The following TMEM163 variants were observed in gnomAD, a reference collection of about 807,000 sequenced individuals.
The protein encoded by TMEM163 is transmembrane protein 163.
Under a neutral mutation model 29.3 loss-of-function variants are expected in TMEM163, and 17 were observed. The observed-to-expected ratio is 0.58, with a 90% CI of 0.40 to 0.87. The LOEUF is 0.87. Among genes scored for constraint, TMEM163 ranks in the 40% least tolerant of loss-of-function variants. The pLI is 0.00. For synonymous variants in TMEM163, 157 were observed against 160.6 expected, an observed-to-expected ratio of 0.98 and a Z score of 0.17; for missense variants, 303 against 381.5, an observed-to-expected ratio of 0.79 and a Z score of 1.71.
chr2:134,550,191 C>A (rs757170844), intron 4 of TMEM163, among the ~76,000 whole-genome samples: 1 of 152,096 alleles, frequency 6.6e-6, no homozygotes, highest in African/African-American at 2.4e-5. Context: ...ATTTAGAATG[C>A]CCTTAAGATG....
At chr2:134,470,217 C>A (rs957587498) in intron 5 of TMEM163, among the ~76,000 whole-genome samples, 1 of 152,068 alleles carries the variant, frequency 6.6e-6, no homozygotes, top group Non-Finnish European at 1.5e-5. Flanking sequence ...ATTAGCTGGG[C>A]GCGGTGGCGG....
intron 2 of TMEM163, among the ~76,000 whole-genome samples, chr2:134,597,768 A>G (rs1682121442): frequency 1.3e-5 from 2 of 152,140 alleles, no homozygotes; most frequent in Non-Finnish European, 1.5e-5. Flanking sequence ...TTGGTAAGCT[A>G]TTAATTATTG....
At chr2:134,496,650 G>A (rs1250432125) in intron 5 of TMEM163, among the ~76,000 whole-genome samples, 1 of 152,224 alleles carries the variant, frequency 6.6e-6, no homozygotes, top group African/African-American at 2.4e-5. Flanking sequence ...CTGGAGGGAA[G>A]CTGCTTGGTT....
At chr2:134,520,659 T>C (rs1680172173) in intron 4 of TMEM163, among the ~76,000 whole-genome samples, 1 of 152,250 alleles carries the variant, frequency 6.6e-6, no homozygotes, top group Admixed American at 6.5e-5. Flanking sequence ...ACAGGGTCTA[T>C]AGCTCACCCC....
intron 2 of TMEM163, among the ~76,000 whole-genome samples, chr2:134,576,851 C>A (rs944218980): frequency 2.0e-5 from 3 of 152,170 alleles, no homozygotes; most frequent in East Asian, 1.9e-4. Context: ...GGGGAACAAC[C>A]CTTTTACCTC....
intron 2 of TMEM163, among the ~76,000 whole-genome samples, chr2:134,635,368 C>T (rs946112019): frequency 1.3e-5 from 2 of 152,176 alleles, no homozygotes; most frequent in African/African-American, 4.8e-5. Context: ...AAATTGCCCC[C>T]TTAAAATATC....
intron 2 of TMEM163, among the ~76,000 whole-genome samples, chr2:134,585,737 G>C (rs1192686480): frequency 9.3e-6 from 1 of 107,952 alleles, no homozygotes; most frequent in Non-Finnish European, 1.8e-5. Context: ...GCGAGACTCC[G>C]TCTCAAAAAA....
rs1369274126 is a variant in TMEM163, at chr2:134,456,769, T to G, written c.817A>C (p.Ile273Leu). 1 of 1,613,674 alleles carries G rather than the reference T, an allele frequency of 6.2e-7. No homozygotes were observed. Among genetic ancestry groups the G allele is most frequent in the Admixed American group, 1.7e-5 (1 of 59,984 alleles). ...TIFAYGVKLLIDMVPRVRQTR... is the reference protein window; with the variant it reads ...TIFAYGVKLLLDMVPRVRQTR... Reference sequence around the variant, plus strand: ...TGCCTCACCCTCGGCACCATGTCGATGAGGAGTCTGCAAAGACGAAGACAG... The same window carrying G: ...TGCCTCACCCTCGGCACCATGTCGAGGAGGAGTCTGCAAAGACGAAGACAG... The change falls in exon 8 of 8, where the codon ATC becomes CTC. Residue 273 changes from isoleucine (I) to leucine (L), a missense_variant. Ile to Leu is a conservative substitution (Grantham distance 5). This residue lies in a region of TMEM163 where 203 missense variants were observed against 294.3 expected (regional missense o/e 0.69). Transcript: ENST00000281924.
intron 5 of TMEM163, among the ~76,000 whole-genome samples, chr2:134,474,406 G>C (rs1300584494): frequency 6.6e-6 from 1 of 151,028 alleles, no homozygotes; most frequent in Non-Finnish European, 1.5e-5. Flanking sequence ...CTGATAAATG[G>C]TATCTAGGAA....
In TMEM163 at chr2:134,674,134, C is replaced by T. The variant is rs375865266; in HGVS notation, c.322+39066G>A. Reference sequence around the variant, plus strand: ...CCTCATTTATGTGAACAAACACATACTTTTGTCAAGGGTATAAATTCTCCC... The same window carrying T: ...CCTCATTTATGTGAACAAACACATATTTTTGTCAAGGGTATAAATTCTCCC... On this transcript the variant is annotated intron_variant, in intron 2 of 7. Transcript: ENST00000281924. Among the ~76,000 whole-genome samples, 7 of 152,182 alleles carry T rather than the reference C, an allele frequency of 4.6e-5. No homozygotes were observed. In the South Asian group the frequency reaches 1.2e-3, roughly 27 times the overall value.
chr2:134,598,723 C>G (rs1682150296), intron 2 of TMEM163, among the ~76,000 whole-genome samples: 1 of 151,886 alleles, frequency 6.6e-6, no homozygotes, highest in African/African-American at 2.4e-5. Flanking sequence ...TCGAGACCAG[C>G]CTGGCCAACA....
At chr2:134,621,133 G>A (rs1200184191) in intron 2 of TMEM163, among the ~76,000 whole-genome samples, 1 of 152,080 alleles carries the variant, frequency 6.6e-6, no homozygotes, top group Non-Finnish European at 1.5e-5. Context: ...TCAATAAAAG[G>A]AGTAAAACAG....
At chr2:134,521,992 G>A (rs1425829934) in intron 4 of TMEM163, among the ~76,000 whole-genome samples, 1 of 152,108 alleles carries the variant, frequency 6.6e-6, no homozygotes, top group Non-Finnish European at 1.5e-5. Context: ...CTGCCCATAA[G>A]GCTCAAAGCT....
intron 1 of TMEM163, among the ~76,000 whole-genome samples, chr2:134,717,361 G>A (rs891183549): frequency 3.9e-4 from 59 of 152,244 alleles, no homozygotes; most frequent in African/African-American, 1.2e-3. Flanking sequence ...CTCTTAAATG[G>A]CATCTAGTTA....
At chr2:134,702,690 A>G (rs1038023138) in intron 2 of TMEM163, among the ~76,000 whole-genome samples, 2 of 152,072 alleles carry the variant, frequency 1.3e-5, no homozygotes, top group Admixed American at 6.5e-5. Flanking sequence ...AAAATTTTCA[A>G]AAAAGATCCA....
intron 5 of TMEM163, chr2:134,469,608 T>G (rs1333185748): frequency 6.9e-6 from 1 of 145,566 alleles, no homozygotes; most frequent in Admixed American, 6.8e-5. Context: ...GCTCCGGTGC[T>G]GCCGCAGCTC....
intron 5 of TMEM163, among the ~76,000 whole-genome samples, chr2:134,488,234 T>C (rs531365551): frequency 6.6e-6 from 1 of 152,304 alleles, no homozygotes; most frequent in East Asian, 1.9e-4. Context: ...AGATTAACAT[T>C]TTATCTTGAA....
intron 2 of TMEM163, among the ~76,000 whole-genome samples, chr2:134,597,566 T>C (rs921280321): frequency 6.6e-6 from 1 of 152,206 alleles, no homozygotes; most frequent in African/African-American, 2.4e-5. Flanking sequence ...GATATTGGTC[T>C]AAAATTCTCA....
intron 2 of TMEM163, among the ~76,000 whole-genome samples, chr2:134,617,510 G>A (rs1280913588): frequency 1.3e-5 from 2 of 151,668 alleles, no homozygotes; most frequent in Non-Finnish European, 2.9e-5. Flanking sequence ...GCTGAGGCAG[G>A]AGAATCACTT....
Sources: gnomAD v4.1 joint callset for allele counts (sites outside exome capture counted in the v4.1 genomes callset) on GRCh38, gnomAD v4.1.1 for gene constraint, gnomAD v4.1.1 regional missense constraint, MANE v1.5 for transcripts, NCBI Gene and HGNC (gene_info 2026-07-23, HGNC 2026-07-21) for gene names.